Variants in SH3KBP1 observed in about 807,000 individuals in gnomAD.
SH3KBP1 encodes the protein SH3 domain-containing kinase-binding protein 1.
In SH3KBP1, 8 loss-of-function variants were observed where a neutral mutation model predicts 50.1. The ratio of observed to expected loss-of-function variants is 0.16; its 90% confidence interval spans 0.09 to 0.29. The LOEUF (loss-of-function observed/expected upper bound fraction) is 0.29. Ranked by LOEUF, SH3KBP1 falls within the 10% of genes least tolerant of loss-of-function variation. The pLI, the probability that SH3KBP1 is intolerant of heterozygous loss-of-function variation, is 1.00. For synonymous variants in SH3KBP1, 227 were observed against 218.6 expected (o/e 1.04, Z -0.34); for missense variants, 377 against 535.2 (o/e 0.70, Z 2.92).
At chrX:19,560,805 A>G (rs1258051159) in intron 13 of SH3KBP1, among the ~76,000 whole-genome samples, 1 of 110,990 alleles carries the variant, frequency 9.0e-6, no homozygotes, top group African/African-American at 3.3e-5. Context: ...GGCCAGGTGC[A>G]ATGACTCATG....
chrX:19,550,823 C>T lies in SH3KBP1; in HGVS notation c.1385-740G>A, dbSNP rs749330184. Among the ~76,000 whole-genome samples, 17 of 110,161 alleles carry T rather than the reference C, an allele frequency of 1.5e-4. No individual in the cohort carries two copies. The East Asian group carries it at 2.3e-3, about 15-fold the overall frequency. On this transcript the variant is annotated intron_variant, in intron 13 of 17. Transcript: ENST00000397821. ...AATGGAAAATGTTAACTGACAACCC[C>T]GATGGGCTGCAACCCTGGGATGATC...
intron 1 of SH3KBP1, among the ~76,000 whole-genome samples, chrX:19,872,773 C>CA (rs202007879): frequency 0.012 from 1,273 of 107,521 alleles, 11 homozygotes; most frequent in Non-Finnish European, 0.018. Context: ...AAGACTGTCT[C>CA]AAAAAAAAGA....
intron 8 of SH3KBP1, among the ~76,000 whole-genome samples, chrX:19,615,454 C>T (rs2067578608): frequency 8.9e-6 from 1 of 111,933 alleles, no homozygotes; most frequent in African/African-American, 3.3e-5. Flanking sequence ...AAGTGAGCCT[C>T]AGCATGCCCC....
chrX:19,887,598 T>G lies in SH3KBP1; in HGVS notation c.-288A>C. On this transcript the variant is annotated 5_prime_UTR_variant, in exon 1 of 18. Coordinates refer to ENST00000397821, the MANE Select transcript of SH3KBP1 (RefSeq NM_031892.3). ...TTTCCTGCTCCCCGCGAGTGGAAAT[T>G]GCGAAAAAAAAAAAAAAAAAAAAAA... 3.1e-5 allele frequency: 1 copy of G among 32,342 alleles called. No homozygotes were observed. Among genetic ancestry groups the G allele is most frequent in the Non-Finnish European group, 5.2e-5 (1 of 19,139 alleles). 2.7% of individuals were successfully genotyped at this position (32,342 alleles called of 1,213,427 possible). A position where few individuals can be genotyped will look rare whatever the true frequency, so the allele number is the denominator to read the frequency against.
At chrX:19,882,582 A>T (rs1290520255) in intron 1 of SH3KBP1, among the ~76,000 whole-genome samples, 1 of 112,027 alleles carries the variant, frequency 8.9e-6, no homozygotes, top group Non-Finnish European at 1.9e-5. Flanking sequence ...GAAGGAATGC[A>T]GCTCTGCTGA....
chrX:19,739,265 C>A (rs1299769751), intron 3 of SH3KBP1, among the ~76,000 whole-genome samples: 1 of 111,875 alleles, frequency 8.9e-6, no homozygotes, highest in African/African-American at 3.3e-5. Flanking sequence ...CGGGGGCAGT[C>A]TGTGCCCAGG....
At position 19,559,580 on chromosome X, in the gene SH3KBP1, C is replaced by T. The variant is rs547560726; in HGVS notation, c.1385-9497G>A. ...TCCTGACCTCGTGATCCACCTGCCTCGGCCTCCCAAAATGCTGGGATTACA... is the reference window on the plus strand; with the variant it reads ...TCCTGACCTCGTGATCCACCTGCCTTGGCCTCCCAAAATGCTGGGATTACA... On this transcript the variant is annotated intron_variant, in intron 13 of 17. Coordinates refer to ENST00000397821, the MANE Select transcript of SH3KBP1 (RefSeq NM_031892.3). Among the ~76,000 whole-genome samples the T allele has an allele frequency of 2.8e-4, 31 of 110,372 alleles. No homozygotes were observed. In the South Asian group the frequency reaches 9.5e-3, roughly 34 times the overall value.
intron 2 of SH3KBP1, among the ~76,000 whole-genome samples, chrX:19,791,369 AC>A (rs1364711493): frequency 1.8e-5 from 2 of 111,241 alleles, no homozygotes. Flanking sequence ...GCTGAAAACA[AC>A]CCCAAATAGG....
chrX:19,819,533 C>T (rs758587284), intron 2 of SH3KBP1, among the ~76,000 whole-genome samples: 4 of 110,114 alleles, frequency 3.6e-5, no homozygotes, highest in South Asian at 3.9e-4. Flanking sequence ...TTTTGATTGG[C>T]GAGATAGTGT....
At chrX:19,609,411 G>C (rs1462495299) in intron 8 of SH3KBP1, among the ~76,000 whole-genome samples, 2 of 112,014 alleles carry the variant, frequency 1.8e-5, no homozygotes, top group East Asian at 5.6e-4. Flanking sequence ...TCCTGACCCT[G>C]AGCCTGCTTT....
chrX:19,638,396 C>T (rs1451263966), intron 7 of SH3KBP1, among the ~76,000 whole-genome samples: 1 of 84,115 alleles, frequency 1.2e-5, no homozygotes, highest in Non-Finnish European at 2.2e-5. Context: ...GGCGAAAGAG[C>T]AGACTCCGTC....
chrX:19,725,735 G>A (rs918109263), intron 3 of SH3KBP1, among the ~76,000 whole-genome samples: 2 of 111,868 alleles, frequency 1.8e-5, no homozygotes, highest in African/African-American at 6.5e-5. Flanking sequence ...GAGGTCCCCT[G>A]CACTTCCCCA....
chrX:19,578,337 T>C, intron 12 of SH3KBP1, among the ~76,000 whole-genome samples: 1 of 111,699 alleles, frequency 9.0e-6, no homozygotes, highest in Middle Eastern at 4.6e-3. Context: ...CATCTCATTG[T>C]TTACCTCTGT....
At chrX:19,722,321 G>A (rs2064079139) in intron 3 of SH3KBP1, among the ~76,000 whole-genome samples, 1 of 111,715 alleles carries the variant, frequency 9.0e-6, no homozygotes, top group African/African-American at 3.3e-5. Flanking sequence ...AGGGAGGCCA[G>A]CACAGCTAAT....
intron 6 of SH3KBP1, among the ~76,000 whole-genome samples, chrX:19,673,520 C>A (rs1193691748): frequency 9.0e-6 from 1 of 111,467 alleles, no homozygotes; most frequent in African/African-American, 3.3e-5. Context: ...GGCGATCCAG[C>A]TTAAAGAGTG....
At chrX:19,788,820 T>TA (rs1322495997) in intron 2 of SH3KBP1, among the ~76,000 whole-genome samples, 1 of 111,597 alleles carries the variant, frequency 9.0e-6, no homozygotes, top group South Asian at 3.7e-4. Context: ...AAAGGAAAGT[T>TA]AAAAAAATAA....
At chrX:19,545,782 G>C in intron 15 of SH3KBP1, 140 bp downstream of exon 15, 1 of 688,179 alleles carries the variant, frequency 1.5e-6, no homozygotes, top group Non-Finnish European at 2.2e-6. Flanking sequence ...ATGCCTTGGG[G>C]ATTTTGATGA....
intron 2 of SH3KBP1, among the ~76,000 whole-genome samples, chrX:19,762,054 C>T (rs1307455151): frequency 8.9e-6 from 1 of 112,507 alleles, no homozygotes; most frequent in Non-Finnish European, 1.9e-5. Flanking sequence ...GGAAGTGAAA[C>T]TGCCTTTGCG....
In SH3KBP1 at chrX:19,866,830, G is replaced by A. The variant is rs180822942; in HGVS notation, c.4+20477C>T. Among the ~76,000 whole-genome samples, 523 of 111,263 alleles carry A rather than the reference G, an allele frequency of 4.7e-3. 2 individuals carry two copies. The highest frequency in any genetic ancestry group is 6.3e-3 in the Non-Finnish European group (336 of 53,009). ...TTGCCAAAATTCTCCCATGGATGGC[G>A]TCACTGATGATTTTACCTATATTTT... On this transcript the variant is annotated intron_variant, in intron 1 of 17. Coordinates refer to ENST00000397821, the MANE Select transcript of SH3KBP1 (RefSeq NM_031892.3).
Sources: gnomAD v4.1 joint callset for allele counts (sites outside exome capture counted in the v4.1 genomes callset) on GRCh38, gnomAD v4.1.1 for gene constraint, MANE v1.5 for transcripts, NCBI Gene and HGNC (gene_info 2026-07-23, HGNC 2026-07-21) for gene names.